AP3B2: variants seen among roughly 807,000 people sequenced by gnomAD.
The protein encoded by AP3B2 is adaptor related protein complex 3 subunit beta 2, also known as AP-3 complex subunit beta-2.
AP3B2 carries 50 observed loss-of-function variants against 126.9 expected under a neutral mutation model. That is an observed-to-expected ratio of 0.39 (90% CI 0.31 to 0.50). The LOEUF is 0.50. Among genes scored for constraint, AP3B2 ranks in the 20% least tolerant of loss-of-function variants. The pLI, the probability that AP3B2 is intolerant of heterozygous loss-of-function variation, is 0.79. For missense variants in AP3B2, 1,177 were observed against 1,426.4 expected (o/e 0.83, Z 2.82); for synonymous variants, 541 against 565.0 (o/e 0.96, Z 0.60).
intron 1 of AP3B2, among the ~76,000 whole-genome samples, chr15:82,707,647 C>A (rs1223434887): frequency 6.6e-6 from 1 of 152,150 alleles, no homozygotes; most frequent in African/African-American, 2.4e-5. Context: ...CAGGGCTATG[C>A]TGAACCTCCT....
chr15:82,663,436 T>C, intron 21 of AP3B2, 124 bp downstream of exon 21: 1 of 1,188,174 alleles, frequency 8.4e-7, no homozygotes. Flanking sequence ...GGCCTGAAGA[T>C]ATGTTCTGTC....
In AP3B2 at chr15:82,662,880, G is replaced by A; in HGVS notation, c.2647C>T (p.His883Tyr). Residue 883 changes from histidine (H) to tyrosine (Y), a missense_variant, in exon 23 of 27, where the codon CAC becomes TAC. His to Tyr is a moderately conservative substitution (Grantham distance 83, BLOSUM62 2). This residue lies in a region of AP3B2 where 587 missense variants were observed against 571.3 expected (regional missense o/e 1.03). Transcript: ENST00000535359. ...VSGVGRQELL[H>Y]RVAGEGLAVD... ...GCCAGCCCCTCGCCAGCTACCCGGT[G>A]CAGCAGCTCCTGCCGCCCAACACCC... The A allele has an allele frequency of 1.2e-6, 2 of 1,613,570 alleles. No homozygotes were observed. Among genetic ancestry groups the A allele is most frequent in the Non-Finnish European group, 1.7e-6 (2 of 1,179,794 alleles).
chr15:82,694,405 G>T (rs1567273023), intron 1 of AP3B2, among the ~76,000 whole-genome samples: 1 of 150,736 alleles, frequency 6.6e-6, no homozygotes, highest in East Asian at 2.0e-4. Context: ...AGAACCACAG[G>T]CCAGGCATGG....
intron 1 of AP3B2, among the ~76,000 whole-genome samples, chr15:82,691,126 A>G (rs1408511787): frequency 2.0e-5 from 3 of 152,232 alleles, no homozygotes; most frequent in Admixed American, 1.3e-4. Context: ...TATATACCCA[A>G]TAACGGGATC....
intron 2 of AP3B2, 67 bp from the exon 3 acceptor site, chr15:82,689,299 G>A: frequency 6.2e-7 from 1 of 1,611,440 alleles, no homozygotes; most frequent in Non-Finnish European, 8.5e-7. Flanking sequence ...CTAGAGGGAA[G>A]GTCTACAAGG....
chr15:82,701,465 G>C (rs553035874), intron 1 of AP3B2, among the ~76,000 whole-genome samples: 4 of 152,198 alleles, frequency 2.6e-5, no homozygotes, highest in African/African-American at 9.6e-5. Flanking sequence ...CTTGAACTGA[G>C]TGAGGTTCTC....
chr15:82,682,106 C>T (rs1452703327), intron 4 of AP3B2, among the ~76,000 whole-genome samples: 6 of 124,382 alleles, frequency 4.8e-5, no homozygotes, highest in Non-Finnish European at 9.3e-5. Context: ...GGCTGGAGTG[C>T]GGTGGTGCAA....
intron 1 of AP3B2, among the ~76,000 whole-genome samples, chr15:82,697,233 C>A (rs527592809): frequency 6.6e-6 from 1 of 152,156 alleles, no homozygotes; most frequent in Non-Finnish European, 1.5e-5. Context: ...ACTCAGTAGG[C>A]TGAGGCAGGA....
chr15:82,667,278 C>T (rs2048075274), intron 14 of AP3B2, among the ~76,000 whole-genome samples: 1 of 152,242 alleles, frequency 6.6e-6, no homozygotes, highest in Non-Finnish European at 1.5e-5. Context: ...TACTCTAGGG[C>T]AGCAGGGTAT....
At chr15:82,678,881 G>A (rs980049182) in intron 10 of AP3B2, among the ~76,000 whole-genome samples, 6 of 152,202 alleles carry the variant, frequency 3.9e-5, no homozygotes, top group Non-Finnish European at 8.8e-5. Flanking sequence ...AGAACATAGT[G>A]GATGTTCACA....
At chr15:82,682,196 C>T (rs1022362216) in intron 4 of AP3B2, among the ~76,000 whole-genome samples, 4 of 151,668 alleles carry the variant, frequency 2.6e-5, no homozygotes, top group Non-Finnish European at 5.9e-5. Context: ...GGACTACAGG[C>T]GCGCACCACC....
rs765815539 is a variant in AP3B2, at chr15:82,664,898, TCTC to T, written c.2071_2073del (p.Glu691del). On this transcript the variant is annotated inframe_deletion, in exon 18 of 27. Coordinates refer to ENST00000535359, the MANE Select transcript of AP3B2 (RefSeq NM_001278512.2). This position sits in a 1 kb window ranked among gnomAD's most constrained non-coding sequence, Gnocchi z 4.5. ...GAGTCCGAGTAGAAGGGTTTTTCCT[TCTC>T]CTTTCTCTTCTCCCGATTTGAGCAC... is the stretch of plus-strand genomic sequence containing the variant. 27 of 1,608,552 alleles carry T rather than the reference TCTC, an allele frequency of 1.7e-5. No individual in the cohort carries two copies. The highest frequency in any genetic ancestry group is 9.3e-5 in the African/African-American group (7 of 74,966).
At chr15:82,663,533 CCT>C (rs1159874369) in intron 21 of AP3B2, 25 bp downstream of exon 21, 3 of 1,611,382 alleles carry the variant, frequency 1.9e-6, no homozygotes, top group Non-Finnish European at 2.5e-6. Context: ...CCTCCTTTCC[CCT>C]GTGACTTTTA....
chr15:82,681,694 C>A lies in AP3B2; in HGVS notation c.361-114G>T. Reference sequence around the variant, plus strand: ...CGACCACTAGCTCTTGCTTCCCTGCCGCTTGACTGGAGCCTGGATGGTGTG... The same window carrying A: ...CGACCACTAGCTCTTGCTTCCCTGCAGCTTGACTGGAGCCTGGATGGTGTG... On this transcript the variant is annotated intron_variant, in intron 4 of 26. Transcript: ENST00000535359. The surrounding 1 kb of genome is among the most constrained non-coding windows in gnomAD (Gnocchi z 4.0). 8.5e-7 allele frequency: 1 copy of A among 1,176,226 alleles called. No individual in the cohort carries two copies. The highest frequency in any genetic ancestry group is 1.5e-5 in the South Asian group (1 of 65,856). The allele number at this position is 1,176,226 out of a possible 1,614,324, so 72.9% of individuals were successfully genotyped here.
Position 82,659,583 on chromosome 15 carries a change from C to A in AP3B2, c.3283G>T (p.Val1095Leu). Residue 1095 changes from valine (V) to leucine (L), a missense_variant, in exon 27 of 27, where the codon GTG (valine) becomes TTG (leucine). Coordinates refer to ENST00000535359, the MANE Select transcript of AP3B2 (RefSeq NM_001278512.2). ...AGTCACTGGGTCAGAGCCTGTATCA[C>A]ATCCTTTACCAGCATGGTGCCAATC... ...MVIGTMLVKD[V>L]IQALTQ The A allele has an allele frequency of 6.2e-7, 1 of 1,613,958 alleles. No homozygotes were observed. Among genetic ancestry groups the A allele is most frequent in the Non-Finnish European group, 8.5e-7 (1 of 1,179,886 alleles).
At chr15:82,666,986 G>A in intron 14 of AP3B2, 53 bp from the exon 15 acceptor site, 2 of 1,553,072 alleles carry the variant, frequency 1.3e-6, no homozygotes, top group Non-Finnish European at 8.8e-7. Context: ...GGACACAGGA[G>A]GCTCAGAAAC....
chr15:82,691,224 CA>C (rs1258451119), intron 1 of AP3B2, among the ~76,000 whole-genome samples: 1 of 152,198 alleles, frequency 6.6e-6, no homozygotes, highest in East Asian at 1.9e-4. Flanking sequence ...ACACTCCCAC[CA>C]ACAGTGTAAA....
intron 4 of AP3B2, chr15:82,686,149 G>A (rs552695426): frequency 1.9e-4 from 29 of 152,348 alleles, no homozygotes; most frequent in African/African-American, 6.7e-4. Context: ...CCCTGGTTTG[G>A]ACCCTGTGCT....
At position 82,665,009 on chromosome 15, in the gene AP3B2, C is replaced by A; in HGVS notation, c.2029-66G>T. The A allele has an allele frequency of 7.8e-7, 1 of 1,284,882 alleles. No homozygotes were observed. The highest frequency in any genetic ancestry group is 1.1e-6 in the Non-Finnish European group (1 of 903,572). The allele number at this position is 1,284,882 out of a possible 1,614,324, so 79.6% of individuals were successfully genotyped here. ...TGGGGAGAAGGCAGGCAGGCACAAGCCCTTACCCTTTATTCCACCTCTTTG... is the reference window on the plus strand; with the variant it reads ...TGGGGAGAAGGCAGGCAGGCACAAGACCTTACCCTTTATTCCACCTCTTTG... On this transcript the variant is annotated intron_variant, in intron 17 of 26. Coordinates refer to ENST00000535359, the MANE Select transcript of AP3B2 (RefSeq NM_001278512.2). The surrounding 1 kb of genome is among the most constrained non-coding windows in gnomAD (Gnocchi z 4.4).
Sources: allele counts gnomAD v4.1 joint callset (sites outside exome capture counted in the v4.1 genomes callset), GRCh38; gene constraint gnomAD v4.1.1; regional missense constraint gnomAD v4.1.1; non-coding constraint Gnocchi (gnomAD v3.1); transcripts MANE v1.5; gene names NCBI Gene and HGNC (gene_info 2026-07-23, HGNC 2026-07-21).